The following MUC6 variants were observed in gnomAD, a reference collection of about 807,000 sequenced individuals.
MUC6 encodes mucin-6.
In MUC6, 188 loss-of-function variants were observed where a neutral mutation model predicts 201.5. The ratio of observed to expected loss-of-function variants is 0.93; its 90% CI spans 0.83 to 1.05. The LOEUF is 1.05. Among genes scored for constraint, MUC6 ranks in the 50% least tolerant of loss-of-function variants. MUC6 has a pLI of 0.00. For synonymous variants in MUC6, 1,228 were observed against 1,389.4 expected (o/e 0.88, Z 2.58); for missense variants, 2,706 against 3,256.9 (o/e 0.83, Z 4.12).
chr11:1,029,411 G>A, intron 9 of MUC6, 45 bp from the exon 10 acceptor site: 1 of 1,595,022 alleles, frequency 6.3e-7, no homozygotes, highest in South Asian at 1.1e-5. Flanking sequence ...CAGGGCCGCT[G>A]GAGCCAGACA....
At chr11:1,021,610 A>C (rs1856809627) in intron 26 of MUC6, among the ~76,000 whole-genome samples, 1 of 151,934 alleles carries the variant, frequency 6.6e-6, no homozygotes, top group Non-Finnish European at 1.5e-5. Flanking sequence ...ACCTGAGGTG[A>C]TCTTCCTGCC....
chr11:1,016,613 G>A lies in MUC6; in HGVS notation c.6188C>T (p.Pro2063Leu), dbSNP rs796955521. ...GGTCCCACTGGTGGTCACTGTCATT[G>A]GTGGGGCTGTGTGGGTGGACCCTGT... ...KATGSTHTAP[P>L]MTVTTSGTSQ... The change falls in exon 31 of 33, where the codon CCA (proline) becomes CTA (leucine). Residue 2063 changes from proline to leucine, a missense_variant. Around this residue, in one of 10 missense-constraint regions of MUC6, gnomAD observed 586 missense variants for 488.0 expected, o/e 1.20. Transcript: ENST00000421673. 1.3e-6 allele frequency: 2 copies of A among 1,503,444 alleles called. No individual in the cohort carries two copies. The highest frequency in any genetic ancestry group is 4.2e-5 in the African/African-American group (2 of 47,798). The allele number at this position is 1,503,444 out of a possible 1,614,324, so 93.1% of individuals were successfully genotyped here. A position where few individuals can be genotyped will look rare whatever the true frequency, so the allele number is the denominator to read the frequency against.
At chr11:1,023,473 CCT>C (rs1856872965) in intron 26 of MUC6, 34 bp downstream of exon 26, 1 of 1,549,932 alleles carries the variant, frequency 6.5e-7, no homozygotes, top group African/African-American at 1.4e-5. Flanking sequence ...AATGGGTCCC[CCT>C]GTGTATCTGC....
In MUC6 at chr11:1,029,525, C is replaced by G; in HGVS notation, c.1106G>C (p.Gly369Ala). ...CVLHGAMYAP[G>A]EVTIAACQTC... ...TTGGCAGGCAGCTATTGTGACCTCC[C>G]CGGGGGCATACATGGCGCCGTGGAG... Residue 369 changes from glycine to alanine, a missense_variant, in exon 9 of 33, where the codon GGG (glycine) becomes GCG (alanine). Coordinates refer to ENST00000421673, the MANE Select transcript of MUC6 (RefSeq NM_005961.3). 1.9e-6 allele frequency: 3 copies of G among 1,612,526 alleles called. No individual in the cohort carries two copies. Among genetic ancestry groups the G allele is most frequent in the Non-Finnish European group, 2.5e-6 (3 of 1,179,746 alleles).
chr11:1,035,111 G>A (rs552915553), intron 1 of MUC6, among the ~76,000 whole-genome samples: 191 of 152,364 alleles, frequency 1.3e-3, no homozygotes, highest in Admixed American at 1.7e-3. Context: ...CTGCCTCCCG[G>A]CCCACCGCGG....
At chr11:1,014,229 A>G (rs1478564038) in intron 31 of MUC6, among the ~76,000 whole-genome samples, 1 of 152,200 alleles carries the variant, frequency 6.6e-6, no homozygotes, top group Non-Finnish European at 1.5e-5. Flanking sequence ...GCTGGAGTCC[A>G]TAAGGTAGAG....
rs529011021 is a variant in MUC6 at position 1,033,028 on chromosome 11, C to A, written c.100G>T (p.Asp34Tyr). 9.0e-5 allele frequency: 145 copies of A among 1,605,430 alleles called. 3 individuals carry two copies. The South Asian group carries it at 1.5e-3, about 16-fold the overall frequency. ...GTGTTCTTACCTGTCTGTGGAGAGT[C>A]CTTCAGCCTCTGGAGGCCTGGGCTG... ...YTSPGLQRLK[D>Y]SPQTAPDKGQ... The change falls in exon 2 of 33, where the codon GAC becomes TAC. Residue 34 changes from aspartate (D) to tyrosine (Y), a missense_variant. Asp to Tyr is a radical substitution (Grantham distance 160, BLOSUM62 -3). Coordinates refer to ENST00000421673, the MANE Select transcript of MUC6 (RefSeq NM_005961.3). The surrounding 1 kb of genome is among the most constrained non-coding windows in gnomAD (Gnocchi z 5.6).
At chr11:1,035,048 A>G (rs1857187217) in intron 1 of MUC6, among the ~76,000 whole-genome samples, 1 of 152,214 alleles carries the variant, frequency 6.6e-6, no homozygotes, top group Admixed American at 6.5e-5. Flanking sequence ...CTGGACGAGC[A>G]CGAGGCGGCA....
At chr11:1,030,384 T>TGCCCCCC in intron 7 of MUC6, 49 bp from the exon 8 acceptor site, 1 of 843,652 alleles carries the variant, frequency 1.2e-6, no homozygotes, top group Non-Finnish European at 1.6e-6. Flanking sequence ...CCCCCACCCC[T>TGCCCCCC]CCCTGCCCCA....
At chr11:1,023,307 C>T (rs1465269483) in intron 26 of MUC6, among the ~76,000 whole-genome samples, 3 of 150,654 alleles carry the variant, frequency 2.0e-5, no homozygotes, top group East Asian at 2.0e-4. Context: ...AATGAATATG[C>T]GTGAATGAAT....
In MUC6 at chr11:1,019,504, G is replaced by A. The variant is rs1856761436; in HGVS notation, c.3809-8C>T. 1.9e-6 allele frequency: 3 copies of A among 1,610,776 alleles called. No individual in the cohort carries two copies. In the South Asian group the frequency reaches 3.3e-5, roughly 18 times the overall value. On this transcript the variant is annotated splice_polypyrimidine_tract_variant and splice_region_variant and intron_variant, in intron 29 of 32. Coordinates refer to ENST00000421673, the MANE Select transcript of MUC6 (RefSeq NM_005961.3). ...TGGTTGGTCTAGGTGGTTCTGCAGA[G>A]GACAGCCGCCCGGAACATCCCCTTG...
chr11:1,024,104 C>G lies in MUC6; in HGVS notation c.3226-1G>C, dbSNP rs1456370391. ...CCTCGTAGTAGGGCAGGTGGTATAC[C>G]TGCAGGGGTGTGTGCCAGTCAGTGT... On this transcript the variant is annotated splice_acceptor_variant, in intron 24 of 32. Coordinates refer to ENST00000421673, the MANE Select transcript of MUC6 (RefSeq NM_005961.3). LOFTEE classifies it high-confidence loss of function. 3.1e-6 allele frequency: 5 copies of G among 1,611,684 alleles called. No individual in the cohort carries two copies. The highest frequency in any genetic ancestry group is 1.7e-5 in the Admixed American group (1 of 59,932).
At chr11:1,032,078 AG>A in intron 2 of MUC6, 25 bp from the exon 3 acceptor site, 1 of 1,608,968 alleles carries the variant, frequency 6.2e-7, no homozygotes, top group Non-Finnish European at 8.5e-7. Context: ...GTGCTCACAC[AG>A]CCCTGTGTCC....
chr11:1,019,345 T>C lies in MUC6; in HGVS notation c.3960A>G (p.Thr1320=), dbSNP rs1269183786. 2 of 1,613,760 alleles carry C rather than the reference T, an allele frequency of 1.2e-6. No individual in the cohort carries two copies. The highest frequency in any genetic ancestry group is 2.7e-5 in the African/African-American group (2 of 74,920). The change falls in exon 30 of 33, where the codon ACA becomes ACG. Residue 1320 remains threonine (T), a synonymous_variant. Coordinates refer to ENST00000421673, the MANE Select transcript of MUC6 (RefSeq NM_005961.3). ...ASTASPATTS[T]AQSTTRTTMT... The stretch of plus-strand genomic sequence containing the variant: ...TTGTGGTCCGTGTTGTGGACTGAGC[T>C]GTGGACGTCGTGGCTGGGCTGGCGG...
intron 6 of MUC6, 43 bp downstream of exon 6, chr11:1,030,904 T>C (rs1053918994): frequency 1.9e-6 from 3 of 1,541,462 alleles, no homozygotes; most frequent in South Asian, 1.2e-5. Flanking sequence ...TCGGCGACCC[T>C]GTCAGACCTG....
chr11:1,019,413 T>TTGTGGCTGTCGATCTCAG lies in MUC6; in HGVS notation c.3874_3891dup (p.Leu1292_Thr1297dup). On this transcript the variant is annotated inframe_insertion, in exon 30 of 33. Transcript: ENST00000421673. ...GTTGTGGCCTGGGTCACTGTGGGTT[T>TTGTGGCTGTCGATCTCAG]TGTGGCTGTCGATCTCAGTGTGGCT... 1 of 1,613,924 alleles carries TTGTGGCTGTCGATCTCAG rather than the reference T, an allele frequency of 6.2e-7. No individual in the cohort carries two copies. Among genetic ancestry groups the TTGTGGCTGTCGATCTCAG allele is most frequent in the African/African-American group, 1.3e-5 (1 of 75,006 alleles).
rs775969627 is a variant in MUC6 at position 1,030,200 on chromosome 11, C to T, written c.1015+13G>A. ...GGGTCCCGGGGAGAGAGAGTGCCTG[C>T]GACTGCCCTCACCTTCCGGGCAGAA... On this transcript the variant is annotated intron_variant, in intron 8 of 32. Transcript: ENST00000421673. 35 of 1,549,638 alleles carry T rather than the reference C, an allele frequency of 2.3e-5. No homozygotes were observed. The highest frequency in any genetic ancestry group is 2.0e-4 in the Admixed American group (10 of 51,084).
intron 1 of MUC6, among the ~76,000 whole-genome samples, chr11:1,034,184 AC>A (rs1857169101): frequency 6.6e-6 from 1 of 151,446 alleles, no homozygotes; most frequent in Non-Finnish European, 1.5e-5. Context: ...CCTGTCTGGC[AC>A]AGGCAGGAGG....
Position 1,027,092 on chromosome 11 carries a change from G to A in MUC6, c.2285-42C>T, listed in dbSNP as rs909980777. ...TGCGCGGTCAGGACACTCAGAGGAA[G>A]CCGGGGCCCCTCACAGTCCCAGCCT... On this transcript the variant is annotated intron_variant, in intron 18 of 32. Transcript: ENST00000421673. 1.9e-6 allele frequency: 3 copies of A among 1,609,742 alleles called. No homozygotes were observed. The African/African-American group carries it at 4.0e-5, about 22-fold the overall frequency.
Sources: allele counts gnomAD v4.1 joint callset (sites outside exome capture counted in the v4.1 genomes callset), GRCh38; gene constraint gnomAD v4.1.1; regional missense constraint gnomAD v4.1.1; non-coding constraint Gnocchi (gnomAD v3.1); transcripts MANE v1.5; gene names NCBI Gene and HGNC (gene_info 2026-07-23, HGNC 2026-07-21).